MYLK3: variants seen among roughly 807,000 people sequenced by gnomAD.
MYLK3 encodes the protein MLC kinase.
MYLK3 carries 55 observed loss-of-function variants against 76.3 expected under a neutral mutation model. The ratio of observed to expected loss-of-function variants is 0.72; its 90% CI spans 0.58 to 0.90. The LOEUF is 0.90. Among genes scored for constraint, MYLK3 ranks in the 40% least tolerant of loss-of-function variants. The pLI, the probability that MYLK3 is intolerant of heterozygous loss-of-function variation, is 0.00. For missense variants in MYLK3, 973 were observed against 1,053.6 expected (o/e 0.92, Z 1.06); for synonymous variants, 416 against 425.4 (o/e 0.98, Z 0.27).
At chr16:46,722,840 G>C (rs1255704915) in intron 8 of MYLK3, among the ~76,000 whole-genome samples, 1 of 152,136 alleles carries the variant, frequency 6.6e-6, no homozygotes, top group Non-Finnish European at 1.5e-5. Flanking sequence ...CTCCCGAGTA[G>C]CTGGGATTAC....
Position 46,732,357 on chromosome 16 carries a change from TG to T in MYLK3, c.1312del (p.His438ThrfsTer31), listed in dbSNP as rs1203055690. Reference protein sequence around the residue: ...PSLARSDDNDHEVGALGLQQG... With the variant: ...PSLARSDDNDXEVGALGLQQG... ...CTGCAGGCCCAGGGCCCCAACCTCGTGGTCATTGTCGTCACTCCTGGCCAAG... is the reference window on the plus strand; with the variant it reads ...CTGCAGGCCCAGGGCCCCAACCTCGTGTCATTGTCGTCACTCCTGGCCAAG... On this transcript the variant is annotated frameshift_variant, in exon 4 of 13. Coordinates refer to ENST00000394809, the MANE Select transcript of MYLK3 (RefSeq NM_182493.3). LOFTEE classifies it high-confidence loss of function. 2 of 1,613,490 alleles carry T rather than the reference TG, an allele frequency of 1.2e-6. No individual in the cohort carries two copies. The highest frequency in any genetic ancestry group is 2.2e-5 in the South Asian group (2 of 91,084).
At chr16:46,761,752 G>A (rs1332343361) in intron 1 of MYLK3, among the ~76,000 whole-genome samples, 1 of 151,868 alleles carries the variant, frequency 6.6e-6, no homozygotes, top group African/African-American at 2.4e-5. Context: ...TGGGGGGTGG[G>A]GGTTGCAGTG....
chr16:46,754,192 C>G (rs1967167763), intron 1 of MYLK3, among the ~76,000 whole-genome samples: 1 of 151,586 alleles, frequency 6.6e-6, no homozygotes, highest in South Asian at 2.1e-4. Flanking sequence ...ATCTAATTAA[C>G]TGGAGTTTCA....
intron 9 of MYLK3, 38 bp downstream of exon 9, chr16:46,721,085 A>G (rs760390196): frequency 1.1e-5 from 17 of 1,581,762 alleles, no homozygotes; most frequent in African/African-American, 2.7e-5. Flanking sequence ...AAGAGTCCCA[A>G]GGAATTTTGT....
At chr16:46,719,855 C>A (rs1567282850) in intron 9 of MYLK3, among the ~76,000 whole-genome samples, 1 of 152,210 alleles carries the variant, frequency 6.6e-6, no homozygotes, top group Admixed American at 6.5e-5. Flanking sequence ...AGGCTTCAGG[C>A]ATTTTAAGAG....
At chr16:46,729,858 A>G (rs772644993) in intron 5 of MYLK3, 171 bp from the exon 6 acceptor site, 374 of 630,386 alleles carry the variant, frequency 5.9e-4, no homozygotes, top group Admixed American at 1.1e-3. Context: ...AAACCTGCAA[A>G]GCAACTCTTC....
chr16:46,722,665 TA>T (rs1371946863), intron 8 of MYLK3, among the ~76,000 whole-genome samples: 1 of 150,284 alleles, frequency 6.7e-6, no homozygotes, highest in Non-Finnish European at 1.5e-5. Context: ...TTTATAACAT[TA>T]TAAGTAATAC....
At chr16:46,760,016 G>A (rs1468413831) in intron 1 of MYLK3, among the ~76,000 whole-genome samples, 1 of 152,204 alleles carries the variant, frequency 6.6e-6, no homozygotes, top group Non-Finnish European at 1.5e-5. Context: ...ACATCTTCCA[G>A]CTGCCAATTC....
At chr16:46,755,099 A>G (rs530640840) in intron 1 of MYLK3, among the ~76,000 whole-genome samples, 5 of 151,808 alleles carry the variant, frequency 3.3e-5, no homozygotes, top group Non-Finnish European at 7.4e-5. Flanking sequence ...GGGTTTTGCC[A>G]TGTTGCCCAG....
At chr16:46,716,384 T>C (rs1966738181) in intron 9 of MYLK3, among the ~76,000 whole-genome samples, 2 of 151,742 alleles carry the variant, frequency 1.3e-5, no homozygotes, top group Admixed American at 1.3e-4. Flanking sequence ...TATATGTATA[T>C]ATATATAGCC....
upstream of MYLK3, among the ~76,000 whole-genome samples, chr16:46,752,182 C>T (rs551371144): frequency 1.3e-5 from 2 of 152,232 alleles, no homozygotes; most frequent in East Asian, 3.9e-4. Flanking sequence ...CTTCTGGTGA[C>T]CTAACAGTCT....
chr16:46,732,462 A>T lies in MYLK3; in HGVS notation c.1208T>A (p.Leu403Gln), dbSNP rs1966854503. ...TCCCCCGGGGCTGCTGCTCTCCTGC[A>T]GCGGGGAGAGCTCTCTGGCTCCTTC... ...TPEGARELSPLQESSSPGGVK... is the reference protein window; with the variant it reads ...TPEGARELSPQQESSSPGGVK... The change falls in exon 4 of 13, where the codon CTG becomes CAG. Residue 403 changes from leucine (L) to glutamine (Q), a missense_variant. By Grantham distance (113) the Leu-to-Gln change is moderately radical (BLOSUM62 -2). Transcript: ENST00000394809. The T allele has an allele frequency of 6.2e-7, 1 of 1,611,360 alleles. No homozygotes were observed. The highest frequency in any genetic ancestry group is 8.5e-7 in the Non-Finnish European group (1 of 1,179,994).
chr16:46,744,020 T>C (rs1966976465), intron 1 of MYLK3, among the ~76,000 whole-genome samples: 1 of 152,186 alleles, frequency 6.6e-6, no homozygotes, highest in African/African-American at 2.4e-5. Flanking sequence ...CTGATACAAA[T>C]AAACTGTAAA....
At chr16:46,755,925 TGAGATGGAGTCTTGCTC>T (rs1967194869) in intron 1 of MYLK3, among the ~76,000 whole-genome samples, 1 of 147,304 alleles carries the variant, frequency 6.8e-6, no homozygotes, top group Non-Finnish European at 1.5e-5. Flanking sequence ...TTTTTTTTTT[TGAGATGGAGTCTTGCTC>T]TGTTGCCCAG....
chr16:46,732,491 G>A lies in MYLK3; in HGVS notation c.1179C>T (p.Thr393=), dbSNP rs758821692. Residue 393 remains threonine, a synonymous_variant, in exon 4 of 13, where the codon ACC becomes ACT. Coordinates refer to ENST00000394809, the MANE Select transcript of MYLK3 (RefSeq NM_182493.3). ...GGGAGAGCTCTCTGGCTCCTTCAGG[G>A]GTCTGTTCTCCGGGCTCAGTCCCAG... ...QAPGTEPGEQ[T]PEGARELSPL... 2 of 1,608,586 alleles carry A rather than the reference G, an allele frequency of 1.2e-6. No homozygotes were observed. Among genetic ancestry groups the A allele is most frequent in the Admixed American group, 1.7e-5 (1 of 60,008 alleles).
At chr16:46,722,067 C>T (rs932538844) in intron 8 of MYLK3, among the ~76,000 whole-genome samples, 18 of 152,124 alleles carry the variant, frequency 1.2e-4, no homozygotes, top group Middle Eastern at 3.4e-3. Flanking sequence ...AGCCTTGGCA[C>T]GCCTCTCCTC....
chr16:46,738,139 G>A lies in MYLK3; in HGVS notation c.573C>T (p.Ser191=). The A allele has an allele frequency of 6.6e-7, 1 of 1,526,374 alleles. No homozygotes were observed. Among genetic ancestry groups the A allele is most frequent in the Non-Finnish European group, 8.8e-7 (1 of 1,139,852 alleles). The allele number at this position is 1,526,374 out of a possible 1,614,324, so 94.6% of individuals were successfully genotyped here. A position where few individuals can be genotyped will look rare whatever the true frequency, so the allele number is the denominator to read the frequency against. The change falls in exon 3 of 13, where the codon AGC becomes AGT. Residue 191 remains serine (S), a synonymous_variant. Coordinates refer to ENST00000394809, the MANE Select transcript of MYLK3 (RefSeq NM_182493.3). ...QSDAREPGEE[S]QKADVLEGTA... ...TCCCCTCCAGCACGTCCGCCTTCTGGCTCTCTACAGGAAAACAGGCAGGAC... is the reference window on the plus strand; with the variant it reads ...TCCCCTCCAGCACGTCCGCCTTCTGACTCTCTACAGGAAAACAGGCAGGAC...
intron 9 of MYLK3, among the ~76,000 whole-genome samples, chr16:46,716,758 G>A (rs1270485192): frequency 6.6e-6 from 1 of 152,116 alleles, no homozygotes; most frequent in African/African-American, 2.4e-5. Context: ...AAAAAGACAG[G>A]CCTTGCTGGG....
chr16:46,750,949 C>T (rs967368751), upstream of MYLK3, among the ~76,000 whole-genome samples: 7 of 152,042 alleles, frequency 4.6e-5, no homozygotes, highest in African/African-American at 1.7e-4. Flanking sequence ...GCTGAGATCA[C>T]GCCATTGCAC....
Sources: allele counts gnomAD v4.1 joint callset (sites outside exome capture counted in the v4.1 genomes callset), GRCh38; gene constraint gnomAD v4.1.1; transcripts MANE v1.5; gene names NCBI Gene and HGNC (gene_info 2026-07-23, HGNC 2026-07-21).